ASTN2: variants seen among roughly 807,000 people sequenced by gnomAD.
The protein encoded by ASTN2 is astrotactin 2, also known as astrotactin-2.
ASTN2 carries 54 observed loss-of-function variants against 139.8 expected under a neutral mutation model. That is an observed-to-expected ratio of 0.39 (90% confidence interval 0.31 to 0.48). ASTN2 has a LOEUF of 0.48. ASTN2 is among the 20% of genes least tolerant of loss of function. The probability of loss-of-function intolerance (pLI) is 0.95; values close to 1 mark genes in which losing one functional copy is unlikely to be tolerated. For synonymous variants in ASTN2, 756 were observed against 719.5 expected, an observed-to-expected ratio of 1.05 and a Z score of -0.81; for missense variants, 1,565 against 1,725.1, an observed-to-expected ratio of 0.91 and a Z score of 1.64.
intron 16 of ASTN2, among the ~76,000 whole-genome samples, chr9:116,718,975 C>CTATATATATATATAT (rs1564230183): frequency 8.6e-6 from 1 of 116,576 alleles, no homozygotes; most frequent in Admixed American, 1.0e-4. Flanking sequence ...TGTATCTGTA[C>CTATATATATATATAT]ATATATATAT....
intron 1 of ASTN2, among the ~76,000 whole-genome samples, chr9:117,398,266 C>A (rs1564184454): frequency 6.6e-6 from 1 of 152,150 alleles, no homozygotes; most frequent in Non-Finnish European, 1.5e-5. Flanking sequence ...ATCACACTAC[C>A]ACCAAAAAAT....
chr9:117,269,108 C>T (rs1171390101), intron 2 of ASTN2, among the ~76,000 whole-genome samples: 1 of 152,152 alleles, frequency 6.6e-6, no homozygotes, highest in Non-Finnish European at 1.5e-5. Flanking sequence ...CAGGTATTCT[C>T]GCCAGTGAGG....
chr9:116,848,327 G>T (rs1473136789), intron 11 of ASTN2, among the ~76,000 whole-genome samples: 1 of 152,180 alleles, frequency 6.6e-6, no homozygotes, highest in East Asian at 1.9e-4. Flanking sequence ...TTTTGCTACA[G>T]ATCAAGTGCA....
chr9:116,770,629 C>T (rs1341631255), intron 13 of ASTN2, among the ~76,000 whole-genome samples: 1 of 152,150 alleles, frequency 6.6e-6, no homozygotes, highest in Non-Finnish European at 1.5e-5. Flanking sequence ...ATTTGCTTCT[C>T]CAAGATAAAC....
chr9:117,071,692 G>C (rs2132709757), intron 5 of ASTN2, among the ~76,000 whole-genome samples: 1 of 149,050 alleles, frequency 6.7e-6, no homozygotes, highest in East Asian at 2.0e-4. Context: ...CTCTGAGCCA[G>C]GTGTGGGATA....
intron 1 of ASTN2, among the ~76,000 whole-genome samples, chr9:117,346,802 T>G (rs2130873429): frequency 6.6e-6 from 1 of 152,246 alleles, no homozygotes; most frequent in South Asian, 2.1e-4. Flanking sequence ...TCAAATCCTA[T>G]CACTGCTAAC....
At chr9:116,903,367 G>T (rs1254188932) in intron 10 of ASTN2, among the ~76,000 whole-genome samples, 1 of 152,062 alleles carries the variant, frequency 6.6e-6, no homozygotes, top group Non-Finnish European at 1.5e-5. Flanking sequence ...TGTTTACTTA[G>T]CATTAGTATC....
At chr9:116,591,849 A>G (rs1854391331) in intron 19 of ASTN2, among the ~76,000 whole-genome samples, 2 of 152,204 alleles carry the variant, frequency 1.3e-5, no homozygotes, top group Admixed American at 1.3e-4. Context: ...AATTACATCC[A>G]TATATGTACT....
chr9:116,767,174 G>A (rs1028075659), intron 13 of ASTN2, among the ~76,000 whole-genome samples: 5 of 138,164 alleles, frequency 3.6e-5, no homozygotes, highest in African/African-American at 1.3e-4. Flanking sequence ...ACACACACAG[G>A]TGTGCATGTT....
chr9:116,700,322 G>C (rs1233451271), intron 16 of ASTN2: 1 of 168,310 alleles, frequency 5.9e-6, no homozygotes, highest in African/African-American at 2.4e-5. Context: ...TGGAGGATCT[G>C]TGCCATCTTG....
chr9:116,831,194 G>C (rs1439435953), intron 11 of ASTN2, among the ~76,000 whole-genome samples: 1 of 152,096 alleles, frequency 6.6e-6, no homozygotes, highest in Admixed American at 6.6e-5. Context: ...GACTACAAAA[G>C]GTGGGAGAAT....
At chr9:116,717,686 C>T (rs1441469239) in intron 16 of ASTN2, among the ~76,000 whole-genome samples, 1 of 152,130 alleles carries the variant, frequency 6.6e-6, no homozygotes, top group Admixed American at 6.5e-5. Flanking sequence ...GCCCTGGGGT[C>T]AAGCAGCTAG....
intron 4 of ASTN2, among the ~76,000 whole-genome samples, chr9:117,123,803 A>AGTTT (rs1164104422): frequency 6.6e-6 from 1 of 152,060 alleles, no homozygotes; most frequent in African/African-American, 2.4e-5. Flanking sequence ...CTCCAAGGTC[A>AGTTT]GTTTGTTTAA....
intron 16 of ASTN2, chr9:116,687,378 T>A: frequency 3.9e-6 from 1 of 256,556 alleles, no homozygotes; most frequent in Non-Finnish European, 5.9e-6. Context: ...CCGCGGGCGG[T>A]CAGGTAGGGG....
At position 117,096,045 on chromosome 9, in the gene ASTN2, T is replaced by C. The variant is rs1216679869; in HGVS notation, c.1275A>G (p.Lys425=). ...GGAACCTTCCAAGGACACTATTACC[T>C]TTGCTGCGGCGGCGACTGCGGTACT... The part of the protein sequence containing the change: ...TEQYRSRRRS[K]GLLKSPVNKT... The change falls in exon 5 of 23, where the codon AAA becomes AAG. Residue 425 remains lysine, a splice_region_variant and synonymous_variant. Coordinates refer to ENST00000313400, the MANE Select transcript of ASTN2 (RefSeq NM_001365068.1). 1 of 1,613,730 alleles carries C rather than the reference T, an allele frequency of 6.2e-7. No individual in the cohort carries two copies. Among genetic ancestry groups the C allele is most frequent in the African/African-American group, 1.3e-5 (1 of 74,894 alleles).
chr9:117,030,478 T>C (rs1021465518), intron 6 of ASTN2, among the ~76,000 whole-genome samples: 13 of 152,298 alleles, frequency 8.5e-5, no homozygotes, highest in Non-Finnish European at 1.5e-4. Flanking sequence ...GTTATCTCTT[T>C]TGTTATGAAG....
chr9:116,977,347 C>T (rs1050121538), intron 7 of ASTN2, among the ~76,000 whole-genome samples: 1 of 151,936 alleles, frequency 6.6e-6, no homozygotes, highest in South Asian at 2.1e-4. Context: ...TTTTCCTCTC[C>T]TCCCCTTCCT....
chr9:116,965,349 A>T (rs982966204), intron 10 of ASTN2, among the ~76,000 whole-genome samples: 1 of 152,234 alleles, frequency 6.6e-6, no homozygotes, highest in Non-Finnish European at 1.5e-5. Context: ...CTGTATCTGT[A>T]CATGGTGACC....
chr9:116,689,822 T>A (rs1860472692), intron 16 of ASTN2, among the ~76,000 whole-genome samples: 1 of 152,104 alleles, frequency 6.6e-6, no homozygotes, highest in Non-Finnish European at 1.5e-5. Context: ...CCTGAGGTTA[T>A]CAGGCAGGAT....
Sources: gnomAD v4.1 joint callset for allele counts (sites outside exome capture counted in the v4.1 genomes callset) on GRCh38, gnomAD v4.1.1 for gene constraint, MANE v1.5 for transcripts, NCBI Gene and HGNC (gene_info 2026-07-23, HGNC 2026-07-21) for gene names.